The following POLN variants were observed in gnomAD, a reference collection of about 807,000 sequenced individuals.
POLN encodes DNA polymerase nu.
A neutral mutation model predicts 113.5 loss-of-function variants in POLN; 108 were observed. That is an observed-to-expected ratio of 0.95 (90% CI 0.81 to 1.12). The LOEUF is 1.12. Ranked by LOEUF, POLN falls within the 50% of genes most tolerant of loss-of-function variation. POLN has a pLI of 0.00. For missense variants in POLN, 1,097 were observed against 1,077.1 expected, an observed-to-expected ratio of 1.02 and a Z score of -0.26; for synonymous variants, 386 against 391.5, an observed-to-expected ratio of 0.99 and a Z score of 0.17.
At chr4:2,224,033 TA>T (rs1734325255) in intron 3 of POLN, among the ~76,000 whole-genome samples, 1 of 152,256 alleles carries the variant, frequency 6.6e-6, no homozygotes, top group Admixed American at 6.5e-5. Context: ...TTAAATTTTT[TA>T]AACTTTTGAA....
intron 5 of POLN, among the ~76,000 whole-genome samples, chr4:2,204,218 G>GA (rs1733788692): frequency 6.9e-6 from 1 of 145,068 alleles, no homozygotes; most frequent in Middle Eastern, 3.4e-3. Flanking sequence ...GAAAATAAGA[G>GA]AAAAAATCCA....
At chr4:2,179,492 TC>T (rs1202411666) in intron 7 of POLN, 27 bp from the exon 8 acceptor site, 2 of 1,605,886 alleles carry the variant, frequency 1.2e-6, no homozygotes, top group African/African-American at 2.7e-5. Flanking sequence ...CATTCAGTCA[TC>T]CCAAGAAAAA....
At chr4:2,119,171 C>T (rs1731384111) in intron 19 of POLN, among the ~76,000 whole-genome samples, 1 of 152,182 alleles carries the variant, frequency 6.6e-6, no homozygotes. Flanking sequence ...ACTCCAAAAC[C>T]ATCTTAAGCA....
chr4:2,091,367 C>T (rs1023810601), intron 20 of POLN, among the ~76,000 whole-genome samples: 1 of 152,108 alleles, frequency 6.6e-6, no homozygotes, highest in African/African-American at 2.4e-5. Flanking sequence ...CACAAGAGAG[C>T]GGACGGTGTG....
At chr4:2,203,094 T>G (rs555779067) in intron 5 of POLN, among the ~76,000 whole-genome samples, 3 of 152,184 alleles carry the variant, frequency 2.0e-5, no homozygotes, top group African/African-American at 7.2e-5. Context: ...GACCATATGA[T>G]AGGCCACAAA....
chr4:2,156,796 TGGCTGA>T lies in POLN; in HGVS notation c.1717_1722del (p.Ser573_Ala574del). Reference sequence around the variant, plus strand: ...TTGTTTAAACAACTTACAGGATGCTTGGCTGAAAGTCTTCCAGTCACAGTTCCAGTC... The same window carrying T: ...TTGTTTAAACAACTTACAGGATGCTTAAGTCTTCCAGTCACAGTTCCAGTC... On this transcript the variant is annotated inframe_deletion, in exon 16 of 26. Transcript: ENST00000511885. 2 of 1,612,294 alleles carry T rather than the reference TGGCTGA, an allele frequency of 1.2e-6. No individual in the cohort carries two copies. The highest frequency in any genetic ancestry group is 1.7e-6 in the Non-Finnish European group (2 of 1,178,270).
intron 5 of POLN, among the ~76,000 whole-genome samples, chr4:2,204,299 G>C (rs1212413932): frequency 6.6e-6 from 1 of 151,902 alleles, no homozygotes; most frequent in Non-Finnish European, 1.5e-5. Context: ...ATCACTCAAG[G>C]CTACTATGAA....
chr4:2,175,331 T>C (rs779995923), intron 9 of POLN, among the ~76,000 whole-genome samples: 3 of 152,142 alleles, frequency 2.0e-5, no homozygotes, highest in Non-Finnish European at 2.9e-5. Context: ...AAAAAAGAAA[T>C]AAAAAGAAAT....
Position 2,072,376 on chromosome 4 carries a change from G to A in POLN, c.2518-77C>T, listed in dbSNP as rs34676363. ...CCACCTCCCAGACCCCAAGCAGGGG[G>A]ACAGGGCCTACAGCACACAGGTGCA... On this transcript the variant is annotated intron_variant, in intron 25 of 25. Transcript: ENST00000511885. 10,054 of 1,287,970 alleles carry A rather than the reference G, an allele frequency of 7.8e-3. 57 individuals are homozygous for A. The highest frequency in any genetic ancestry group is 8.4e-3 in the Non-Finnish European group (8,008 of 953,404). 79.8% of individuals were successfully genotyped at this position (1,287,970 alleles called of 1,614,324 possible).
intron 7 of POLN, among the ~76,000 whole-genome samples, chr4:2,192,706 G>A (rs1244731676): frequency 4.6e-5 from 7 of 151,902 alleles, no homozygotes; most frequent in Admixed American, 1.3e-4. Flanking sequence ...AGTGGCTCAC[G>A]CCTATAATCC....
chr4:2,075,365 G>C (rs1202231935), intron 24 of POLN, 87 bp downstream of exon 24: 1 of 1,408,494 alleles, frequency 7.1e-7, no homozygotes, highest in Non-Finnish European at 9.9e-7. Context: ...GACAGCTGAG[G>C]GGCTTTCCTG....
At position 2,101,475 on chromosome 4, in the gene POLN, C is replaced by T. The variant is rs554020882; in HGVS notation, c.1983-5542G>A. On this transcript the variant is annotated intron_variant, in intron 19 of 25. Coordinates refer to ENST00000511885, the MANE Select transcript of POLN (RefSeq NM_181808.4). ...GACGGGCTGGGAACCAGAGTGACTC[C>T]CCAGTACCGGAGGGGGTGATAATCT... Among the ~76,000 whole-genome samples the T allele has an allele frequency of 9.2e-5, 14 of 152,322 alleles. No individual in the cohort carries two copies. In the South Asian group the frequency reaches 2.9e-3, roughly 32 times the overall value.
chr4:2,181,257 G>T (rs1733134371), intron 7 of POLN, among the ~76,000 whole-genome samples: 1 of 152,088 alleles, frequency 6.6e-6, no homozygotes, highest in South Asian at 2.1e-4. Flanking sequence ...TGATTATCCT[G>T]CCTCAGCCTC....
chr4:2,138,698 T>C (rs1216737970), intron 16 of POLN, among the ~76,000 whole-genome samples: 1 of 152,196 alleles, frequency 6.6e-6, no homozygotes, highest in East Asian at 1.9e-4. Flanking sequence ...GGTCAGCAGT[T>C]CGAGACCAGC....
At chr4:2,159,777 G>A (rs369408295) in intron 13 of POLN, among the ~76,000 whole-genome samples, 5 of 152,100 alleles carry the variant, frequency 3.3e-5, no homozygotes, top group African/African-American at 4.8e-5. Context: ...GTTTCCTGTC[G>A]TTGGTCCAAT....
chr4:2,092,915 A>G (rs1730701228), intron 20 of POLN, among the ~76,000 whole-genome samples: 1 of 152,248 alleles, frequency 6.6e-6, no homozygotes, highest in Non-Finnish European at 1.5e-5. Flanking sequence ...CTAAGCCCAC[A>G]GCAGTGGATA....
intron 5 of POLN, among the ~76,000 whole-genome samples, chr4:2,204,212 A>C (rs1011722740): frequency 6.6e-6 from 1 of 152,012 alleles, no homozygotes; most frequent in Non-Finnish European, 1.5e-5. Context: ...AACCAAGAAA[A>C]TAAGAGAAAA....
intron 23 of POLN, chr4:2,078,760 T>C (rs765802390): frequency 4.8e-5 from 47 of 985,482 alleles, no homozygotes; most frequent in Middle Eastern, 1.0e-3. Flanking sequence ...GAGAAGCATT[T>C]CCTCGTGACA....
intron 16 of POLN, among the ~76,000 whole-genome samples, chr4:2,156,080 C>T (rs1445684382): frequency 6.6e-6 from 1 of 152,174 alleles, no homozygotes; most frequent in African/African-American, 2.4e-5. Context: ...TGATCCACCG[C>T]CTCGGCCTCC....
Sources: gnomAD v4.1 joint callset for allele counts (sites outside exome capture counted in the v4.1 genomes callset) on GRCh38, gnomAD v4.1.1 for gene constraint, MANE v1.5 for transcripts, NCBI Gene and HGNC (gene_info 2026-07-23, HGNC 2026-07-21) for gene names.